Variants in BMPER observed in about 807,000 individuals in gnomAD.
The protein encoded by BMPER is BMP-binding endothelial regulator protein.
BMPER carries 45 observed loss-of-function variants against 87.3 expected under a neutral mutation model. The observed-to-expected ratio is 0.52, with a 90% CI of 0.41 to 0.66. The LOEUF is 0.66. Among genes scored for constraint, BMPER ranks in the 30% least tolerant of loss-of-function variants. The pLI, the probability that BMPER is intolerant of heterozygous loss-of-function variation, is 0.00. For synonymous variants in BMPER, 326 were observed against 316.2 expected, an observed-to-expected ratio of 1.03 and a Z score of -0.33; for missense variants, 784 against 867.5, an observed-to-expected ratio of 0.90 and a Z score of 1.21.
intron 13 of BMPER, among the ~76,000 whole-genome samples, chr7:34,099,928 TGA>T (rs1789634112): frequency 6.6e-6 from 1 of 152,072 alleles, no homozygotes; most frequent in South Asian, 2.1e-4. Flanking sequence ...TTTGAGATTC[TGA>T]GAGAGTTGAG....
At chr7:34,086,744 C>T (rs1033848496) in intron 13 of BMPER, among the ~76,000 whole-genome samples, 1 of 152,162 alleles carries the variant, frequency 6.6e-6, no homozygotes, top group Middle Eastern at 3.2e-3. Context: ...CCCCCTTCCA[C>T]GCAAAGCAAC....
chr7:33,924,013 C>T (rs1221849139), intron 2 of BMPER, among the ~76,000 whole-genome samples: 5 of 152,180 alleles, frequency 3.3e-5, no homozygotes, highest in Non-Finnish European at 5.9e-5. Context: ...CATCTGTCCA[C>T]GTGTCTACCT....
chr7:34,031,661 G>C (rs1456829677), intron 6 of BMPER, among the ~76,000 whole-genome samples: 1 of 151,710 alleles, frequency 6.6e-6, no homozygotes, highest in Non-Finnish European at 1.5e-5. Context: ...CAGTGAGGTG[G>C]GGAAGAGGGT....
At chr7:34,056,657 G>A (rs1963337) in intron 9 of BMPER, among the ~76,000 whole-genome samples, 27,929 of 146,192 alleles carry the variant, frequency 0.19, 2,761 homozygotes, top group Middle Eastern at 0.25. Context: ...TCGCTCTGTC[G>A]CCCAGGCTGG....
At chr7:33,914,336 C>T (rs1188498314) in intron 2 of BMPER, among the ~76,000 whole-genome samples, 4 of 152,146 alleles carry the variant, frequency 2.6e-5, no homozygotes, top group Admixed American at 2.6e-4. Flanking sequence ...CGTGCCATGA[C>T]ATTGAGAACC....
At chr7:33,974,383 G>A (rs1381008103) in intron 5 of BMPER, among the ~76,000 whole-genome samples, 3 of 151,994 alleles carry the variant, frequency 2.0e-5, no homozygotes, top group Admixed American at 6.6e-5. Context: ...CCTGGGTTTG[G>A]TCCCTCTGGC....
intron 13 of BMPER, among the ~76,000 whole-genome samples, chr7:34,088,396 C>T (rs1056129476): frequency 2.0e-5 from 3 of 152,270 alleles, no homozygotes; most frequent in Non-Finnish European, 4.4e-5. Context: ...TCCTGTTTCT[C>T]CCCCTTATTT....
In BMPER at chr7:33,905,717, C is replaced by G. The variant is rs1218239149; in HGVS notation, c.104C>G (p.Pro35Arg). 1.2e-6 allele frequency: 2 copies of G among 1,613,314 alleles called. No individual in the cohort carries two copies. The change falls in exon 1 of 15, where the codon CCC becomes CGC. Residue 35 changes from proline to arginine, a missense_variant. Coordinates refer to ENST00000649409, the MANE Select transcript of BMPER (RefSeq NM_001365308.1). ...VLLLLNCSGVPMSLASSFLTG... is the reference protein window; with the variant it reads ...VLLLLNCSGVRMSLASSFLTG... ...CTGCTACTCAATTGCTCGGGGGTCC[C>G]CATGTCTCTGGCTTCCTCCTTCTTG...
At chr7:33,966,816 A>G (rs1785418129) in intron 4 of BMPER, among the ~76,000 whole-genome samples, 1 of 152,140 alleles carries the variant, frequency 6.6e-6, no homozygotes, top group Non-Finnish European at 1.5e-5. Context: ...GCCTGGGAAA[A>G]CTCCAGGAAG....
intron 13 of BMPER, among the ~76,000 whole-genome samples, chr7:34,095,644 G>A (rs1480683681): frequency 6.6e-6 from 1 of 152,184 alleles, no homozygotes; most frequent in Non-Finnish European, 1.5e-5. Flanking sequence ...AGAACTTGAG[G>A]ACATGAGCTG....
chr7:33,970,563 A>C, intron 5 of BMPER, 144 bp downstream of exon 5: 2 of 867,480 alleles, frequency 2.3e-6, no homozygotes, highest in Non-Finnish European at 3.8e-6. Flanking sequence ...CTTTGCATAG[A>C]AATATCCGCT....
chr7:34,129,680 G>GAAAGAAAGAAAGAAAGAAAGAAAGAA (rs1313374728), intron 13 of BMPER, among the ~76,000 whole-genome samples: 10 of 151,316 alleles, frequency 6.6e-5, no homozygotes, highest in African/African-American at 2.4e-4. Flanking sequence ...AAGAAAGAAA[G>GAAAGAAAGAAAGAAAGAAAGAAAGAA]AAAACCTGCC....
At chr7:34,086,765 G>A (rs1789222745) in intron 13 of BMPER, among the ~76,000 whole-genome samples, 1 of 152,190 alleles carries the variant, frequency 6.6e-6, no homozygotes, top group East Asian at 1.9e-4. Context: ...TGGTTACAAA[G>A]GAGACTTGGA....
intron 13 of BMPER, among the ~76,000 whole-genome samples, chr7:34,117,726 A>G (rs1363546804): frequency 6.6e-6 from 1 of 152,248 alleles, no homozygotes; most frequent in Admixed American, 6.5e-5. Flanking sequence ...TGCTTCAAAA[A>G]TCATTTTTCA....
At position 34,152,123 on chromosome 7, in the gene BMPER, G is replaced by A. The variant is rs182122082; in HGVS notation, c.1877-969G>A. Among the ~76,000 whole-genome samples the A allele has an allele frequency of 9.9e-5, 15 of 152,244 alleles. No homozygotes were observed. The East Asian group carries it at 2.9e-3, about 29-fold the overall frequency. ...TTTACAATTACACGATTCCTTACCA[G>A]GTATTATTCTGCAAACAGCATAAAC... is the stretch of plus-strand genomic sequence containing the variant. On this transcript the variant is annotated intron_variant, in intron 14 of 14. Transcript: ENST00000649409.
At chr7:33,975,489 TA>T (rs1449376776) in intron 6 of BMPER, among the ~76,000 whole-genome samples, 4 of 152,138 alleles carry the variant, frequency 2.6e-5, no homozygotes, top group African/African-American at 9.7e-5. Flanking sequence ...TGCTTAGATA[TA>T]AAAAAGAACT....
chr7:34,028,601 G>GTTTTTTTTTTTTTTTTTTTTTTTTTTT lies in BMPER; in HGVS notation c.577-17699_577-17673dup. 9.2e-4 allele frequency among the ~76,000 whole-genome samples: 33 copies of GTTTTTTTTTTTTTTTTTTTTTTTTTTT among 36,060 alleles called. 4 individuals are homozygous for GTTTTTTTTTTTTTTTTTTTTTTTTTTT. The highest frequency in any genetic ancestry group is 1.5e-3 in the African/African-American group (17 of 11,388). 23.7% of individuals were successfully genotyped at this position (36,060 alleles called of 152,430 possible). Reference sequence around the variant, plus strand: ...ACATACAGTCCAAATCATTTTTTCTGTTTTTTTTTTTTTTTTTTTTTTTTT... The same window carrying GTTTTTTTTTTTTTTTTTTTTTTTTTTT: ...ACATACAGTCCAAATCATTTTTTCTGTTTTTTTTTTTTTTTTTTTTTTTTTTTTTTTTTTTTTTTTTTTTTTTTTTTT... On this transcript the variant is annotated intron_variant, in intron 6 of 14. Transcript: ENST00000649409.
At chr7:34,041,231 C>T (rs1787824209) in intron 6 of BMPER, among the ~76,000 whole-genome samples, 1 of 152,158 alleles carries the variant, frequency 6.6e-6, no homozygotes. Flanking sequence ...GAGGCTCATT[C>T]TCTGCTGTAG....
intron 3 of BMPER, among the ~76,000 whole-genome samples, chr7:33,944,452 C>A (rs1784836263): frequency 1.3e-5 from 2 of 152,172 alleles, no homozygotes; most frequent in African/African-American, 4.8e-5. Flanking sequence ...CAGGCATGAG[C>A]CACAGTGCCC....
Sources: allele counts gnomAD v4.1 joint callset (sites outside exome capture counted in the v4.1 genomes callset), GRCh38; gene constraint gnomAD v4.1.1; transcripts MANE v1.5; gene names NCBI Gene and HGNC (gene_info 2026-07-23, HGNC 2026-07-21).